The following RAP1GAP2 variants were observed in gnomAD, a reference collection of about 807,000 sequenced individuals.
RAP1GAP2 encodes RAP1 GTPase activating protein 2.
In RAP1GAP2, 27 loss-of-function variants were observed where a neutral mutation model predicts 95.0. That is an observed-to-expected ratio of 0.28 (90% CI 0.21 to 0.39). The LOEUF (loss-of-function observed/expected upper bound fraction) is 0.39. RAP1GAP2 is among the 10% of genes least tolerant of loss of function. The pLI, the probability that RAP1GAP2 is intolerant of heterozygous loss-of-function variation, is 1.00. For synonymous variants in RAP1GAP2, 373 were observed against 380.9 expected, an observed-to-expected ratio of 0.98 and a Z score of 0.24; for missense variants, 771 against 970.0, an observed-to-expected ratio of 0.79 and a Z score of 2.72.
chr17:2,785,783 G>A (rs2068757228), intron 1 of RAP1GAP2, among the ~76,000 whole-genome samples: 1 of 152,056 alleles, frequency 6.6e-6, no homozygotes, highest in African/African-American at 2.4e-5. Context: ...TTTTGTCTGT[G>A]GCTCGTCCTG....
chr17:3,032,807 C>G (rs915506188), intron 24 of RAP1GAP2, among the ~76,000 whole-genome samples: 1 of 152,188 alleles, frequency 6.6e-6, no homozygotes, highest in African/African-American at 2.4e-5. Context: ...GGCAGCTGTT[C>G]CCTCCTTGTG....
At position 3,003,654 on chromosome 17, in the gene RAP1GAP2, C is replaced by T. The variant is rs1039628812; in HGVS notation, c.1201-1715C>T. ...GCCATGCAGGTCCCTTCCCCAGAGT[C>T]ACCTGCATCTGCCTCTCTCCCTCCC... On this transcript the variant is annotated intron_variant, in intron 14 of 24. Transcript: ENST00000254695. This position sits in a 1 kb window ranked among gnomAD's most constrained non-coding sequence, Gnocchi z 4.1. Among the ~76,000 whole-genome samples, 3 of 152,208 alleles carry T rather than the reference C, an allele frequency of 2.0e-5. No homozygotes were observed. Among genetic ancestry groups the T allele is most frequent in the African/African-American group, 7.2e-5 (3 of 41,448 alleles).
At chr17:2,971,555 T>G (rs1442129898) in intron 8 of RAP1GAP2, among the ~76,000 whole-genome samples, 1 of 152,110 alleles carries the variant, frequency 6.6e-6, no homozygotes, top group Non-Finnish European at 1.5e-5. Context: ...AACAATAGAA[T>G]GGACCTCATC....
chr17:2,909,847 G>C, intron 3 of RAP1GAP2, among the ~76,000 whole-genome samples: 1 of 152,184 alleles, frequency 6.6e-6, no homozygotes. Flanking sequence ...ACTGGGTGGG[G>C]GTCCTTCTGT....
Position 2,811,821 on chromosome 17 carries a change from C to T in RAP1GAP2, c.80+11271C>T, listed in dbSNP as rs545934742. Among the ~76,000 whole-genome samples, 6 of 152,214 alleles carry T rather than the reference C, an allele frequency of 3.9e-5. No homozygotes were observed. In the South Asian group the frequency reaches 1.2e-3, roughly 32 times the overall value. Reference sequence around the variant, plus strand: ...CCCGAACTCCTGACCTCAGGTGATCCGCCCACCTCTGCTTCCTAAAGTGCT... The same window carrying T: ...CCCGAACTCCTGACCTCAGGTGATCTGCCCACCTCTGCTTCCTAAAGTGCT... On this transcript the variant is annotated intron_variant, in intron 2 of 24. Transcript: ENST00000254695.
At chr17:2,877,377 A>G (rs902499010) in intron 2 of RAP1GAP2, among the ~76,000 whole-genome samples, 1 of 152,094 alleles carries the variant, frequency 6.6e-6, no homozygotes, top group Non-Finnish European at 1.5e-5. Flanking sequence ...TTTTCCCCTT[A>G]CAGTCCGTCC....
chr17:2,771,823 C>T (rs1400806019), intron 2 of RAP1GAP2, among the ~76,000 whole-genome samples: 1 of 152,126 alleles, frequency 6.6e-6, no homozygotes, highest in Non-Finnish European at 1.5e-5. Context: ...GGGAAGGTTA[C>T]ATGCCAGAGG....
chr17:2,978,245 C>T (rs2045209842), intron 8 of RAP1GAP2, among the ~76,000 whole-genome samples: 1 of 152,148 alleles, frequency 6.6e-6, no homozygotes, highest in South Asian at 2.1e-4. Context: ...TTAAAGGAGG[C>T]ACTTAACAGT....
chr17:2,787,842 C>G (rs2068826654), intron 1 of RAP1GAP2, among the ~76,000 whole-genome samples: 2 of 152,208 alleles, frequency 1.3e-5, no homozygotes, highest in Admixed American at 1.3e-4. Flanking sequence ...ACTGGGATTA[C>G]AGGCATGAGC....
intron 3 of RAP1GAP2, among the ~76,000 whole-genome samples, chr17:2,941,673 T>G (rs1406805219): frequency 6.7e-6 from 1 of 149,980 alleles, no homozygotes; most frequent in Admixed American, 6.6e-5. Context: ...CTTGGGTTTT[T>G]TTTTTTTTTT....
intron 3 of RAP1GAP2, among the ~76,000 whole-genome samples, chr17:2,928,279 C>T (rs1287245918): frequency 1.3e-5 from 2 of 152,186 alleles, no homozygotes; most frequent in Admixed American, 6.5e-5. Context: ...GCTCTCCATG[C>T]GGCCGGTGGG....
intron 2 of RAP1GAP2, among the ~76,000 whole-genome samples, chr17:2,882,923 G>A (rs942468243): frequency 6.6e-6 from 1 of 152,236 alleles, no homozygotes; most frequent in Non-Finnish European, 1.5e-5. Context: ...AGATACTCGC[G>A]GAATGAATGT....
chr17:3,003,227 C>T lies in RAP1GAP2; in HGVS notation c.1201-2142C>T, dbSNP rs1181295580. On this transcript the variant is annotated intron_variant, in intron 14 of 24. Transcript: ENST00000254695. The surrounding 1 kb of genome is among the most constrained non-coding windows in gnomAD (Gnocchi z 4.1). ...CTTGCGGTCTTGGTCATTGAGCCAT[C>T]AGAGCAGGCGAGAAATTGGCTCCAC... 3.3e-5 allele frequency among the ~76,000 whole-genome samples: 5 copies of T among 152,244 alleles called. No homozygotes were observed. Among genetic ancestry groups the T allele is most frequent in the Non-Finnish European group, 5.9e-5 (4 of 68,012 alleles).
chr17:2,941,497 G>A (rs997815562), intron 3 of RAP1GAP2, among the ~76,000 whole-genome samples: 2 of 152,048 alleles, frequency 1.3e-5, no homozygotes, highest in Admixed American at 6.6e-5. Context: ...TTTGAGAGGG[G>A]GTTGGAAGGA....
chr17:2,878,790 C>T (rs1274496869), intron 2 of RAP1GAP2, among the ~76,000 whole-genome samples: 1 of 152,226 alleles, frequency 6.6e-6, no homozygotes, highest in African/African-American at 2.4e-5. Context: ...AGGAGCCCCA[C>T]GGTGGACTCA....
chr17:2,809,490 C>T (rs1318921333), intron 2 of RAP1GAP2, among the ~76,000 whole-genome samples: 1 of 152,154 alleles, frequency 6.6e-6, no homozygotes, highest in African/African-American at 2.4e-5. Context: ...CAGCCGAGAC[C>T]CAACCATCCC....
chr17:2,891,814 CTT>C (rs917540694), intron 2 of RAP1GAP2, among the ~76,000 whole-genome samples: 55 of 54,278 alleles, frequency 1.0e-3, no homozygotes, highest in African/African-American at 3.4e-3. Context: ...TATTTCTTTT[CTT>C]TTTTTTTTTT....
chr17:3,014,966 G>A (rs556202821), intron 17 of RAP1GAP2, among the ~76,000 whole-genome samples: 5 of 152,142 alleles, frequency 3.3e-5, no homozygotes, highest in Non-Finnish European at 4.4e-5. Context: ...GAGCCCAGGA[G>A]TTTGAGACCA....
At chr17:2,788,654 T>C (rs2068848247) in intron 1 of RAP1GAP2, among the ~76,000 whole-genome samples, 1 of 152,126 alleles carries the variant, frequency 6.6e-6, no homozygotes, top group Non-Finnish European at 1.5e-5. Flanking sequence ...TGATTTGCCG[T>C]CTATTAGCTG....
Sources: gnomAD v4.1 joint callset for allele counts (sites outside exome capture counted in the v4.1 genomes callset) on GRCh38, gnomAD v4.1.1 for gene constraint, Gnocchi (gnomAD v3.1) non-coding constraint, MANE v1.5 for transcripts, NCBI Gene and HGNC (gene_info 2026-07-23, HGNC 2026-07-21) for gene names.